Variants in HFM1 observed in about 807,000 individuals in gnomAD.
HFM1 encodes the protein probable ATP-dependent DNA helicase HFM1.
In HFM1, 169 loss-of-function variants were observed where a neutral mutation model predicts 192.1. The observed-to-expected ratio is 0.88, with a 90% confidence interval of 0.78 to 1.00. The LOEUF is 1.00. HFM1 is among the 50% of genes least tolerant of loss of function. HFM1 has a pLI of 0.00. For missense variants in HFM1, 1,661 were observed against 1,668.0 expected (o/e 1.00, Z 0.07); for synonymous variants, 525 against 537.8 (o/e 0.98, Z 0.33).
At chr1:91,289,381 G>C (rs547719672) in intron 30 of HFM1, among the ~76,000 whole-genome samples, 26 of 151,862 alleles carry the variant, frequency 1.7e-4, no homozygotes, top group Admixed American at 1.1e-3. Flanking sequence ...TCCCAGACTG[G>C]GCGGCCGGGC....
chr1:91,323,025 T>C, intron 22 of HFM1, 28 bp from the exon 23 acceptor site: 1 of 1,327,494 alleles, frequency 7.5e-7, no homozygotes, highest in Non-Finnish European at 1.0e-6. Context: ...TGGCAAAACA[T>C]TTATTATTAT....
At chr1:91,385,919 T>A in intron 4 of HFM1, 85 bp from the exon 5 acceptor site, 1 of 1,066,070 alleles carries the variant, frequency 9.4e-7, no homozygotes, top group South Asian at 1.6e-5. Context: ...TTGGCCCCCT[T>A]AAAAACACTC....
chr1:91,397,553 AG>A (rs1219998003), intron 2 of HFM1, among the ~76,000 whole-genome samples: 1 of 152,236 alleles, frequency 6.6e-6, no homozygotes, highest in Non-Finnish European at 1.5e-5. Flanking sequence ...TGTCTCTCCG[AG>A]CACCTAGCAC....
chr1:91,318,062 C>T (rs571036847), intron 25 of HFM1, among the ~76,000 whole-genome samples: 141 of 76,104 alleles, frequency 1.9e-3, no homozygotes, highest in African/African-American at 7.5e-3. Flanking sequence ...ATCACTTAGC[C>T]GAATTTCAAA....
At chr1:91,299,754 A>G (rs1387488116) in intron 30 of HFM1, among the ~76,000 whole-genome samples, 1 of 152,156 alleles carries the variant, frequency 6.6e-6, no homozygotes, top group Admixed American at 6.5e-5. Flanking sequence ...AAGACACAAC[A>G]TACCAGAATC....
chr1:91,312,890 C>T lies in HFM1; in HGVS notation c.3391+459G>A, dbSNP rs141357322. ...AAATCATGGGGGCTGGTCTTTTTTG[C>T]GCTGTTCTTGTGATAGTGAGTAAGT... On this transcript the variant is annotated intron_variant, in intron 30 of 38. Coordinates refer to ENST00000370425, the MANE Select transcript of HFM1 (RefSeq NM_001017975.6). 9.3e-3 allele frequency among the ~76,000 whole-genome samples: 1,416 copies of T among 152,082 alleles called. 13 individuals carry two copies. Among genetic ancestry groups the T allele is most frequent in the Non-Finnish European group, 0.013 (869 of 67,982 alleles).
At chr1:91,267,718 A>G (rs1665900332) in intron 35 of HFM1, 27 bp downstream of exon 35, 2 of 993,034 alleles carry the variant, frequency 2.0e-6, no homozygotes, top group African/African-American at 3.4e-5. Flanking sequence ...TCCTAATGAA[A>G]TGATTGCATG....
chr1:91,303,928 C>T (rs1220888991), intron 30 of HFM1, among the ~76,000 whole-genome samples: 1 of 152,148 alleles, frequency 6.6e-6, no homozygotes, highest in African/African-American at 2.4e-5. Context: ...TCACTGCAAC[C>T]TCTACCTCCT....
chr1:91,316,307 C>A, intron 26 of HFM1, 84 bp downstream of exon 26: 1 of 1,018,186 alleles, frequency 9.8e-7, no homozygotes, highest in Non-Finnish European at 1.5e-6. Context: ...ATACTTATAA[C>A]TATGAGAAGG....
chr1:91,339,842 C>A (rs1655094111), intron 20 of HFM1, among the ~76,000 whole-genome samples: 1 of 152,108 alleles, frequency 6.6e-6, no homozygotes, highest in African/African-American at 2.4e-5. Flanking sequence ...TCCCCCAAGA[C>A]ACATAGTCAT....
intron 4 of HFM1, among the ~76,000 whole-genome samples, chr1:91,392,934 G>T (rs944820217): frequency 9.9e-5 from 15 of 152,010 alleles, no homozygotes; most frequent in African/African-American, 3.6e-4. Flanking sequence ...GAGAAATGAA[G>T]AGTAACTGTT....
chr1:91,374,761 C>T (rs1450634923), intron 13 of HFM1, among the ~76,000 whole-genome samples: 1 of 152,048 alleles, frequency 6.6e-6, no homozygotes, highest in Non-Finnish European at 1.5e-5. Context: ...GGACTATAGG[C>T]CTGGAGCTCA....
At chr1:91,360,036 G>A (rs562776000) in intron 13 of HFM1, among the ~76,000 whole-genome samples, 1 of 152,288 alleles carries the variant, frequency 6.6e-6, no homozygotes, top group South Asian at 2.1e-4. Context: ...CATAAGCAAA[G>A]GAGAAATAAG....
At position 91,273,803 on chromosome 1, in the gene HFM1, T is replaced by A; in HGVS notation, c.3681A>T (p.Leu1227Phe). Residue 1227 changes from leucine to phenylalanine, a missense_variant, in exon 34 of 39, where the codon TTA (leucine) becomes TTT (phenylalanine). Transcript: ENST00000370425. Reference protein sequence around the residue: ...SLPSISRSEYLNISELPIMEQ... With the variant: ...SLPSISRSEYFNISELPIMEQ... ...CCATTATAGGCAATTCAGATATGTT[T>A]AAATATTCTGACCTTTATAAAGATA... is the stretch of plus-strand genomic sequence containing the variant. The A allele has an allele frequency of 6.4e-7, 1 of 1,555,446 alleles. No homozygotes were observed. The highest frequency in any genetic ancestry group is 8.8e-7 in the Non-Finnish European group (1 of 1,130,312).
intron 36 of HFM1, among the ~76,000 whole-genome samples, chr1:91,264,526 T>C (rs534796992): frequency 1.1e-3 from 161 of 148,766 alleles, no homozygotes; most frequent in Non-Finnish European, 1.8e-3. Context: ...GCGCCCGCCA[T>C]CACGCCCGGC....
intron 2 of HFM1, among the ~76,000 whole-genome samples, chr1:91,398,230 T>A (rs946131692): frequency 3.9e-5 from 6 of 152,228 alleles, no homozygotes; most frequent in Non-Finnish European, 8.8e-5. Context: ...ATTCTGCCTC[T>A]TAATAAAATC....
chr1:91,306,259 G>A (rs1011798242), intron 30 of HFM1, among the ~76,000 whole-genome samples: 7 of 152,156 alleles, frequency 4.6e-5, no homozygotes, highest in African/African-American at 9.7e-5. Flanking sequence ...TTGAACCTGG[G>A]AGGTGGAGAT....
At position 91,370,406 on chromosome 1, in the gene HFM1, T is replaced by C. The variant is rs189187486; in HGVS notation, c.1685+4952A>G. Among the ~76,000 whole-genome samples, 433 of 152,308 alleles carry C rather than the reference T, an allele frequency of 2.8e-3. 2 individuals are homozygous for C. The highest frequency in any genetic ancestry group is 0.024 in the Middle Eastern group (7 of 294). The stretch of plus-strand genomic sequence containing the variant: ...GCTTGTCCACCATGATCAAGTGGGC[T>C]TCATCCCTGGGATGCAAGCCTGGTT... On this transcript the variant is annotated intron_variant, in intron 13 of 38. Coordinates refer to ENST00000370425, the MANE Select transcript of HFM1 (RefSeq NM_001017975.6).
At chr1:91,279,100 C>T (rs1350698355) in intron 30 of HFM1, among the ~76,000 whole-genome samples, 1 of 152,084 alleles carries the variant, frequency 6.6e-6, no homozygotes, top group Non-Finnish European at 1.5e-5. Context: ...CCTAAACCTT[C>T]CTAAGAGTCA....
Sources: gnomAD v4.1 joint callset for allele counts (sites outside exome capture counted in the v4.1 genomes callset) on GRCh38, gnomAD v4.1.1 for gene constraint, MANE v1.5 for transcripts, NCBI Gene and HGNC (gene_info 2026-07-23, HGNC 2026-07-21) for gene names.